The following IGFL2 variants were observed in gnomAD, a reference collection of about 807,000 sequenced individuals.
IGFL2 encodes insulin growth factor-like family member 2.
A neutral mutation model predicts 13.9 loss-of-function variants in IGFL2; 7 were observed. The observed-to-expected ratio is 0.51, with a 90% CI of 0.29 to 0.95. The LOEUF (loss-of-function observed/expected upper bound fraction) is 0.95, where lower values mean the gene tolerates loss of function less well. Ranked by LOEUF, IGFL2 falls within the 40% of genes least tolerant of loss-of-function variation. The pLI is 0.08. For synonymous variants in IGFL2, 55 were observed against 55.8 expected (o/e 0.99, Z 0.07); for missense variants, 138 against 147.8 (o/e 0.93, Z 0.34).
chr19:46,146,540 T>G (rs1973146249), upstream of IGFL2, among the ~76,000 whole-genome samples: 1 of 152,218 alleles, frequency 6.6e-6, no homozygotes, highest in African/African-American at 2.4e-5. Flanking sequence ...GTAGATAATT[T>G]GGAAAGAATT....
the IGFL2 span, among the ~76,000 whole-genome samples, chr19:46,099,083 C>T: frequency 2.0e-5 from 3 of 152,122 alleles, no homozygotes; most frequent in Non-Finnish European, 4.4e-5. Context: ...GCTTATGAAG[C>T]TTAGTTTAGC....
the IGFL2 span, among the ~76,000 whole-genome samples, chr19:46,127,351 C>G: frequency 3.4e-4 from 51 of 151,746 alleles, no homozygotes; most frequent in Non-Finnish European, 6.3e-4. Context: ...GATGCTGTTG[C>G]AAAGAAAGAA....
chr19:46,214,174 T>G, the IGFL2 span: 4 of 152,286 alleles, frequency 2.6e-5, no homozygotes, highest in African/African-American at 9.7e-5. Context: ...CACAAGAATC[T>G]GAAACACAGA....
intron 1 of IGFL2, chr19:46,159,867 C>G (rs1974049268): frequency 6.4e-6 from 1 of 156,720 alleles, no homozygotes; most frequent in Non-Finnish European, 1.4e-5. Context: ...ACTCAGGAAG[C>G]TGAAGTGAGA....
At chr19:46,122,747 C>A in the IGFL2 span, among the ~76,000 whole-genome samples, 2 of 150,912 alleles carry the variant, frequency 1.3e-5, no homozygotes, top group Non-Finnish European at 2.9e-5. Context: ...TTACATTACA[C>A]GTATTACCTC....
At chr19:46,099,560 A>C in the IGFL2 span, among the ~76,000 whole-genome samples, 1 of 140,044 alleles carries the variant, frequency 7.1e-6, no homozygotes, top group Non-Finnish European at 1.6e-5. Context: ...ACGGAGTCTC[A>C]CTCTGTCACC....
chr19:46,103,261 T>C, the IGFL2 span, among the ~76,000 whole-genome samples: 50 of 146,472 alleles, frequency 3.4e-4, no homozygotes, highest in African/African-American at 1.0e-3. Flanking sequence ...CAGAGTCCCC[T>C]TTTTTTTTAG....
the IGFL2 span, among the ~76,000 whole-genome samples, chr19:46,186,840 A>T: frequency 1.3e-5 from 2 of 152,244 alleles, no homozygotes; most frequent in Non-Finnish European, 2.9e-5. Context: ...GGGCACAGGG[A>T]GTCCCTGGCT....
the IGFL2 span, among the ~76,000 whole-genome samples, chr19:46,200,482 T>TTCTTC: frequency 1.4e-5 from 2 of 143,516 alleles, no homozygotes; most frequent in African/African-American, 5.1e-5. Context: ...CCCTTTTCTT[T>TTCTTC]TCTTTTCTTT....
At chr19:46,114,845 G>C in the IGFL2 span, among the ~76,000 whole-genome samples, 2 of 152,166 alleles carry the variant, frequency 1.3e-5, no homozygotes, top group Non-Finnish European at 2.9e-5. Flanking sequence ...TGTGAAAATT[G>C]ACTAATACAG....
chr19:46,168,896 T>C, the IGFL2 span, among the ~76,000 whole-genome samples: 8 of 147,284 alleles, frequency 5.4e-5, no homozygotes, highest in East Asian at 1.6e-3. Flanking sequence ...GATCAGTAGA[T>C]TGAGTGTGTG....
chr19:46,193,434 T>G, the IGFL2 span, among the ~76,000 whole-genome samples: 1 of 152,150 alleles, frequency 6.6e-6, no homozygotes, highest in African/African-American at 2.4e-5. Flanking sequence ...AAGAGGGCTT[T>G]CTTTATCGTA....
At chr19:46,157,214 C>A (rs915824298) in intron 1 of IGFL2, among the ~76,000 whole-genome samples, 8 of 152,070 alleles carry the variant, frequency 5.3e-5, no homozygotes, top group African/African-American at 1.9e-4. Context: ...AAATTGACAC[C>A]AATTCTGCAC....
At chr19:46,121,731 A>AT in the IGFL2 span, among the ~76,000 whole-genome samples, 2 of 150,864 alleles carry the variant, frequency 1.3e-5, 1 homozygote, top group African/African-American at 4.9e-5. Context: ...AGAAAGGCAG[A>AT]TTTTTTAGAA....
Position 46,153,121 on chromosome 19 carries a change from G to A in IGFL2, c.19+4824G>A, listed in dbSNP as rs115007500. 5.8e-3 allele frequency among the ~76,000 whole-genome samples: 890 copies of A among 152,258 alleles called. 10 individuals are homozygous for A. Among genetic ancestry groups the A allele is most frequent in the African/African-American group, 0.02 (837 of 41,558 alleles). ...TTATATTCATAAGAGATGTTGGTCT[G>A]TAGTTTTTTTTCCTTGTGATGTCTT... On this transcript the variant is annotated intron_variant, in intron 1 of 3. Transcript: ENST00000377693.
At chr19:46,193,819 G>C in the IGFL2 span, among the ~76,000 whole-genome samples, 1 of 152,166 alleles carries the variant, frequency 6.6e-6, no homozygotes, top group Non-Finnish European at 1.5e-5. Flanking sequence ...CACCGCTCTC[G>C]GGTCTAGGCT....
At chr19:46,123,842 C>G in the IGFL2 span, 3 of 1,558,134 alleles carry the variant, frequency 1.9e-6, no homozygotes, top group African/African-American at 4.2e-5. Context: ...TATCCCTCAT[C>G]CCTCCCTCAT....
chr19:46,179,285 C>T, the IGFL2 span, among the ~76,000 whole-genome samples: 1 of 60,398 alleles, frequency 1.7e-5, no homozygotes, highest in East Asian at 5.3e-4. Context: ...TTGTGGGGTG[C>T]GGGGTCTGTG....
At chr19:46,084,843 C>G in the IGFL2 span, among the ~76,000 whole-genome samples, 2 of 152,162 alleles carry the variant, frequency 1.3e-5, no homozygotes, top group Non-Finnish European at 2.9e-5. Context: ...TACAAAGATC[C>G]AGACCATATC....
Sources: gnomAD v4.1 joint callset for allele counts (sites outside exome capture counted in the v4.1 genomes callset) on GRCh38, gnomAD v4.1.1 for gene constraint, MANE v1.5 for transcripts, NCBI Gene and HGNC (gene_info 2026-07-23, HGNC 2026-07-21) for gene names.